Variants in GPC4 observed in about 807,000 individuals in gnomAD.
GPC4 encodes the protein glypican 4.
A neutral mutation model predicts 35.0 loss-of-function variants in GPC4; 10 were observed. The observed-to-expected ratio is 0.29, with a 90% CI of 0.18 to 0.48. The LOEUF (loss-of-function observed/expected upper bound fraction) is 0.48. Among genes scored for constraint, GPC4 ranks in the 20% least tolerant of loss-of-function variants. GPC4 has a pLI of 0.99. For synonymous variants in GPC4, 167 were observed against 170.2 expected (o/e 0.98, Z 0.15); for missense variants, 322 against 451.3 (o/e 0.71, Z 2.60).
Position 133,388,007 on chromosome X carries a change from T to C in GPC4, c.160+26799A>G, listed in dbSNP as rs1004746562. ...CACAACTTTGTGTTGTCTAAAAGCCTTATGGGACAAGTATTCTGCAAGGCT... is the reference window on the plus strand; with the variant it reads ...CACAACTTTGTGTTGTCTAAAAGCCCTATGGGACAAGTATTCTGCAAGGCT... On this transcript the variant is annotated intron_variant, in intron 1 of 8. Transcript: ENST00000370828. Among the ~76,000 whole-genome samples, 47 of 112,090 alleles carry C rather than the reference T, an allele frequency of 4.2e-4. 1 individual carries two copies. In the Admixed American group the frequency reaches 4.4e-3, roughly 11 times the overall value.
chrX:133,316,345 G>A lies in GPC4; in HGVS notation c.712-4922C>T, dbSNP rs888070562. 2.7e-5 allele frequency among the ~76,000 whole-genome samples: 3 copies of A among 111,816 alleles called. No individual in the cohort carries two copies. The Admixed American group carries it at 2.9e-4, about 11-fold the overall frequency. ...GTCTTCCAGTAAATGGCCAAACCAGGATTTGAATCTAGGCAATTTGGTTCC... is the reference window on the plus strand; with the variant it reads ...GTCTTCCAGTAAATGGCCAAACCAGAATTTGAATCTAGGCAATTTGGTTCC... On this transcript the variant is annotated intron_variant, in intron 3 of 8. Coordinates refer to ENST00000370828, the MANE Select transcript of GPC4 (RefSeq NM_001448.3).
At chrX:133,312,708 G>GAAACAAAC (rs3831666) in intron 3 of GPC4, among the ~76,000 whole-genome samples, 1 of 106,615 alleles carries the variant, frequency 9.4e-6, no homozygotes, top group East Asian at 3.0e-4. Flanking sequence ...GAAGAAAGGA[G>GAAACAAAC]AAACAAACAA....
intron 1 of GPC4, among the ~76,000 whole-genome samples, chrX:133,399,725 G>C (rs1200679009): frequency 1.8e-5 from 2 of 112,184 alleles, no homozygotes; most frequent in Non-Finnish European, 3.8e-5. Flanking sequence ...ATCCAGCCAG[G>C]CTCGGTGGCT....
intron 1 of GPC4, among the ~76,000 whole-genome samples, chrX:133,347,771 G>A (rs982147144): frequency 1.2e-4 from 13 of 110,415 alleles, no homozygotes; most frequent in African/African-American, 4.4e-4. Context: ...TGCATAAAAT[G>A]TGCTATGTGC....
At chrX:133,308,855 G>A (rs1394096546) in intron 4 of GPC4, among the ~76,000 whole-genome samples, 1 of 110,035 alleles carries the variant, frequency 9.1e-6, no homozygotes, top group Non-Finnish European at 1.9e-5. Context: ...TCAGCCTCCC[G>A]ACCTGACTGG....
At chrX:133,348,787 C>G (rs1354901581) in intron 1 of GPC4, among the ~76,000 whole-genome samples, 2 of 112,194 alleles carry the variant, frequency 1.8e-5, no homozygotes, top group African/African-American at 6.5e-5. Context: ...AATACACAGA[C>G]TTTGAAGGTG....
At chrX:133,323,874 A>T (rs2068378043) in intron 3 of GPC4, among the ~76,000 whole-genome samples, 1 of 111,628 alleles carries the variant, frequency 9.0e-6, no homozygotes, top group African/African-American at 3.3e-5. Flanking sequence ...AAGATTCCTG[A>T]GTAAACATAT....
In GPC4 at chrX:133,303,323, T is replaced by C; in HGVS notation, c.1311A>G (p.Thr437=). The change falls in exon 8 of 9, where the codon ACA becomes ACG. Residue 437 remains threonine (T), a synonymous_variant. Transcript: ENST00000370828. ...KGKSRYLFAV[T]GNGLANQGNN... is the part of the protein sequence containing the mutation. ...TGCCCTGGTTGGCTAATCCATTTCCTGTCACTGCAAACAGGTACCTGGAAT... is the reference window on the plus strand; with the variant it reads ...TGCCCTGGTTGGCTAATCCATTTCCCGTCACTGCAAACAGGTACCTGGAAT... 8.3e-7 allele frequency: 1 copy of C among 1,209,379 alleles called. No individual in the cohort carries two copies.
intron 1 of GPC4, among the ~76,000 whole-genome samples, chrX:133,395,893 T>C (rs925926193): frequency 2.7e-5 from 3 of 110,804 alleles, no homozygotes; most frequent in African/African-American, 6.6e-5. Context: ...AAAACAAATA[T>C]TAGGAAAAGA....
chrX:133,343,014 A>G (rs1202207911), intron 1 of GPC4, among the ~76,000 whole-genome samples: 1 of 111,451 alleles, frequency 9.0e-6, no homozygotes, highest in East Asian at 2.8e-4. Flanking sequence ...CTGAAGAAAG[A>G]TGCCACAATT....
chrX:133,345,379 G>A (rs946277003), intron 1 of GPC4, among the ~76,000 whole-genome samples: 6 of 112,421 alleles, frequency 5.3e-5, no homozygotes, highest in African/African-American at 1.6e-4. Flanking sequence ...CTGAAGTTTC[G>A]TGTTAAGAAC....
chrX:133,300,709 T>C lies in GPC4; in HGVS notation c.*2158A>G, dbSNP rs1300990352. 2 of 112,005 alleles carry C rather than the reference T, an allele frequency of 1.8e-5. No homozygotes were observed. The highest frequency in any genetic ancestry group is 5.6e-4 in the East Asian group (2 of 3,600). The allele number at this position is 112,005 out of a possible 1,213,427, so 9.2% of individuals were successfully genotyped here. A position where few individuals can be genotyped will look rare whatever the true frequency, so the allele number is the denominator to read the frequency against. ...TACTTAATTTGGAAAATGTTATTGGTTTAGAGAATTTGACTGGAAGAAAAC... is the reference window on the plus strand; with the variant it reads ...TACTTAATTTGGAAAATGTTATTGGCTTAGAGAATTTGACTGGAAGAAAAC... On this transcript the variant is annotated 3_prime_UTR_variant, in exon 9 of 9. Coordinates refer to ENST00000370828, the MANE Select transcript of GPC4 (RefSeq NM_001448.3).
chrX:133,355,256 C>A (rs1259703812), intron 1 of GPC4, among the ~76,000 whole-genome samples: 1 of 112,114 alleles, frequency 8.9e-6, no homozygotes, highest in East Asian at 2.8e-4. Flanking sequence ...TATACTAGAA[C>A]TGCATGAGCT....
Position 133,305,871 on chromosome X carries a change from A to G in GPC4, c.1056T>C (p.Ile352=). 8.3e-7 allele frequency: 1 copy of G among 1,211,408 alleles called. No homozygotes were observed. Among genetic ancestry groups the G allele is most frequent in the East Asian group, 3.0e-5 (1 of 33,820 alleles). The change falls in exon 6 of 9, where the codon ATT becomes ATC. Residue 352 remains isoleucine, a synonymous_variant. Transcript: ENST00000370828. ...AGGCACTTTCAGAGATGGAACGAGA[A>G]ATTCGTCCAGCTGGGAGGGGCTTGG... ...GPPKPLPAGR[I]SRSISESAFS... is the part of the protein sequence containing the mutation.
intron 2 of GPC4, among the ~76,000 whole-genome samples, chrX:133,332,415 TTC>T (rs2068424558): frequency 9.0e-6 from 1 of 111,654 alleles, no homozygotes; most frequent in Non-Finnish European, 1.9e-5. Flanking sequence ...CATTTTTTTT[TTC>T]GAGACAGAGT....
chrX:133,311,544 C>A (rs746128607), intron 3 of GPC4, 121 bp from the exon 4 acceptor site: 41 of 655,447 alleles, frequency 6.3e-5, no homozygotes, highest in Non-Finnish European at 4.9e-6. Flanking sequence ...TGATTGATCA[C>A]AATTAGTAAG....
At chrX:133,407,481 A>T (rs2068794018) in intron 1 of GPC4, among the ~76,000 whole-genome samples, 1 of 111,768 alleles carries the variant, frequency 8.9e-6, no homozygotes, top group African/African-American at 3.3e-5. Context: ...AATTTTTAAA[A>T]ACCTAAATGA....
At chrX:133,361,115 T>C (rs2068565374) in intron 1 of GPC4, among the ~76,000 whole-genome samples, 1 of 112,378 alleles carries the variant, frequency 8.9e-6, no homozygotes, top group African/African-American at 3.2e-5. Context: ...CAACAGTTGG[T>C]ATAGGCTGCA....
chrX:133,330,418 GA>G (rs1432210280), intron 2 of GPC4, among the ~76,000 whole-genome samples: 1 of 111,242 alleles, frequency 9.0e-6, no homozygotes, highest in Admixed American at 9.6e-5. Context: ...AAAATGTAAG[GA>G]AAAAAAGGAA....
Sources: allele counts gnomAD v4.1 joint callset (sites outside exome capture counted in the v4.1 genomes callset), GRCh38; gene constraint gnomAD v4.1.1; transcripts MANE v1.5; gene names NCBI Gene and HGNC (gene_info 2026-07-23, HGNC 2026-07-21).